The following SEC63 variants were observed in gnomAD, a reference collection of about 807,000 sequenced individuals.
SEC63 encodes the protein SEC63 protein translocation regulator, also known as translocation protein SEC63 homolog.
A neutral mutation model predicts 116.2 loss-of-function variants in SEC63; 56 were observed. The observed-to-expected ratio is 0.48, with a 90% CI of 0.39 to 0.60. The LOEUF is 0.60. Ranked by LOEUF, SEC63 falls within the 20% of genes least tolerant of loss-of-function variation. The probability of loss-of-function intolerance (pLI) is 0.00; values close to 1 mark genes in which losing one functional copy is unlikely to be tolerated. For missense variants in SEC63, 668 were observed against 900.0 expected (o/e 0.74, Z 3.30); for synonymous variants, 273 against 294.6 (o/e 0.93, Z 0.75).
intron 4 of SEC63, among the ~76,000 whole-genome samples, chr6:107,920,837 A>G (rs1766922103): frequency 1.3e-5 from 2 of 152,164 alleles, no homozygotes; most frequent in African/African-American, 4.8e-5. Flanking sequence ...GGGTGCACAA[A>G]TGTTCCTCAA....
chr6:107,869,845 G>A lies in SEC63; in HGVS notation c.*1859C>T, dbSNP rs992105166. On this transcript the variant is annotated 3_prime_UTR_variant, in exon 21 of 21. Coordinates refer to ENST00000369002, the MANE Select transcript of SEC63 (RefSeq NM_007214.5). ...CATCCTCTCCAGAATCTTAAAACCA[G>A]AGAAGCCAGCTGTGTGAATGAACTT... 8.8e-5 allele frequency: 13 copies of A among 147,582 alleles called. No homozygotes were observed. Among genetic ancestry groups the A allele is most frequent in the Non-Finnish European group, 1.9e-4 (13 of 67,434 alleles). The allele number at this position is 147,582 out of a possible 1,614,324, so 9.1% of individuals were successfully genotyped here. A position where few individuals can be genotyped will look rare whatever the true frequency, so the allele number is the denominator to read the frequency against.
intron 16 of SEC63, among the ~76,000 whole-genome samples, chr6:107,891,101 T>G (rs1161304663): frequency 6.6e-6 from 1 of 152,180 alleles, no homozygotes; most frequent in Non-Finnish European, 1.5e-5. Context: ...ATTTCCTGAA[T>G]TTGAATGTTG....
chr6:107,920,425 C>CAAAAAAAAAAAAAAA, intron 4 of SEC63, among the ~76,000 whole-genome samples: 1 of 73,392 alleles, frequency 1.4e-5, no homozygotes, highest in Non-Finnish European at 2.4e-5. Flanking sequence ...GACTCCGTCT[C>CAAAAAAAAAAAAAAA]AAAAAAAAAA....
Position 107,906,514 on chromosome 6 carries a change from G to C in SEC63, c.895C>G (p.Leu299Val). The stretch of plus-strand genomic sequence containing the variant: ...GACAGTAAAAGAACTCTGGCCTTCA[G>C]GCTATATGGGCAGGTAAGTGGAGGC... ...NEPPLTCPYS[L>V]KARVLLLSHL... Residue 299 changes from leucine (L) to valine (V), a missense_variant, in exon 10 of 21, where the codon CTG becomes GTG. Physicochemically the swap from Leu to Val is conservative, Grantham distance 32. Coordinates refer to ENST00000369002, the MANE Select transcript of SEC63 (RefSeq NM_007214.5). 1.2e-6 allele frequency: 2 copies of C among 1,613,582 alleles called. No homozygotes were observed. Among genetic ancestry groups the C allele is most frequent in the South Asian group, 1.1e-5 (1 of 91,080 alleles).
intron 1 of SEC63, chr6:107,932,266 C>T (rs1787829006): frequency 6.6e-6 from 1 of 152,130 alleles, no homozygotes; most frequent in Non-Finnish European, 1.5e-5. Flanking sequence ...ATGAGTCCAG[C>T]TGGCTAATTA....
At chr6:107,920,319 G>A (rs781241134) in intron 4 of SEC63, among the ~76,000 whole-genome samples, 9 of 151,316 alleles carry the variant, frequency 5.9e-5, no homozygotes, top group East Asian at 1.9e-4. Context: ...CCAGCTATTC[G>A]GGAGACTGAG....
At position 107,924,671 on chromosome 6, in the gene SEC63, TAAC is replaced by T. The variant is rs994743063; in HGVS notation, c.339+144_339+146del. ...TCAACAGTTATAGCTTAAATTATAA[TAAC>T]AGAGGATTAGACATCTTATTTTAAT... On this transcript the variant is annotated intron_variant, in intron 3 of 20. Coordinates refer to ENST00000369002, the MANE Select transcript of SEC63 (RefSeq NM_007214.5). The T allele has an allele frequency of 1.2e-4, 56 of 481,750 alleles. 1 individual carries two copies. The highest frequency in any genetic ancestry group is 9.7e-4 in the African/African-American group (48 of 49,618). 29.8% of individuals were successfully genotyped at this position (481,750 alleles called of 1,614,324 possible).
Position 107,902,952 on chromosome 6 carries a change from C to A in SEC63, c.1101G>T (p.Met367Ile), listed in dbSNP as rs1438921937. 6.2e-7 allele frequency: 1 copy of A among 1,613,962 alleles called. No individual in the cohort carries two copies. The highest frequency in any genetic ancestry group is 1.3e-5 in the African/African-American group (1 of 74,916). Residue 367 changes from methionine (M) to isoleucine (I), a missense_variant, in exon 12 of 21, where the codon ATG (methionine) becomes ATT (isoleucine). By Grantham distance (10) the Met-to-Ile change is conservative. Around this residue, in one of 5 missense-constraint regions of SEC63, gnomAD observed 430 missense variants for 557.5 expected, o/e 0.77. Coordinates refer to ENST00000369002, the MANE Select transcript of SEC63 (RefSeq NM_007214.5). ...CCTGAACGGCCATCTGAGAAAGCTT[C>A]ATGCAGTTTTCTAGGGATGCCAAAG... ...APTLASLENC[M>I]KLSQMAVQGL...
At chr6:107,938,550 A>C (rs1417997494) in intron 1 of SEC63, among the ~76,000 whole-genome samples, 2 of 149,434 alleles carry the variant, frequency 1.3e-5, no homozygotes, top group African/African-American at 2.5e-5. Context: ...TGGCCCCAGT[A>C]AGTCACTTCT....
chr6:107,873,763 A>G (rs1786188915), intron 19 of SEC63, among the ~76,000 whole-genome samples: 1 of 152,172 alleles, frequency 6.6e-6, no homozygotes, highest in East Asian at 1.9e-4. Context: ...CTTGCAACAC[A>G]TATCACAAAG....
rs1562318884 is a variant in SEC63 at position 107,893,653 on chromosome 6, C to A, written c.1503G>T (p.Gln501His). Residue 501 changes from glutamine (Q) to histidine (H), a missense_variant and splice_region_variant, in exon 16 of 21, where the codon CAG becomes CAT. Gln to His is a conservative substitution (Grantham distance 24). Around this residue, in one of 5 missense-constraint regions of SEC63, gnomAD observed 430 missense variants for 557.5 expected, o/e 0.77. Transcript: ENST00000369002. ...AAEEQPAEDG[Q>H]GETNKNRTKG... ...TTGTCCTGTTCTTGTTAGTTTCACC[C>A]TGCTGTGAATCATAACACGTCACAC... The A allele has an allele frequency of 1.2e-6, 2 of 1,613,750 alleles. No homozygotes were observed. The highest frequency in any genetic ancestry group is 1.7e-6 in the Non-Finnish European group (2 of 1,179,938).
intron 4 of SEC63, among the ~76,000 whole-genome samples, chr6:107,920,503 T>C (rs1359340688): frequency 2.0e-5 from 3 of 151,484 alleles, no homozygotes; most frequent in African/African-American, 7.3e-5. Context: ...AAACAACTTT[T>C]ATATGCAGTA....
intron 1 of SEC63, among the ~76,000 whole-genome samples, chr6:107,956,781 A>G (rs1449262176): frequency 6.6e-6 from 1 of 152,208 alleles, no homozygotes; most frequent in Non-Finnish European, 1.5e-5. Flanking sequence ...TGAAAGTATA[A>G]CAAGTTCTGA....
At chr6:107,880,727 A>G (rs1356118454) in intron 18 of SEC63, among the ~76,000 whole-genome samples, 4 of 152,218 alleles carry the variant, frequency 2.6e-5, no homozygotes, top group Non-Finnish European at 5.9e-5. Context: ...CCATGTCGCC[A>G]GCAGGATCCT....
chr6:107,923,288 T>C (rs1787599171), intron 3 of SEC63, among the ~76,000 whole-genome samples: 2 of 152,058 alleles, frequency 1.3e-5, no homozygotes, highest in African/African-American at 2.4e-5. Context: ...ATTGTGTTAG[T>C]TTTTTGTACA....
chr6:107,920,247 C>G (rs954124076), intron 4 of SEC63, among the ~76,000 whole-genome samples: 4 of 151,766 alleles, frequency 2.6e-5, no homozygotes, highest in African/African-American at 9.7e-5. Flanking sequence ...CATGGTAAAA[C>G]CCCATCTCTG....
At chr6:107,955,945 T>C (rs1397750364) in intron 1 of SEC63, 2 of 370,286 alleles carry the variant, frequency 5.4e-6, no homozygotes, top group Non-Finnish European at 1.1e-5. Context: ...ATCAGGTGAA[T>C]TTTATAATAC....
At chr6:107,928,225 G>A (rs1292242044) in intron 2 of SEC63, among the ~76,000 whole-genome samples, 1 of 152,158 alleles carries the variant, frequency 6.6e-6, no homozygotes, top group African/African-American at 2.4e-5. Flanking sequence ...GCTCACGCCT[G>A]TGATCCTACC....
chr6:107,873,693 G>T (rs929792568), intron 19 of SEC63, among the ~76,000 whole-genome samples: 1 of 151,758 alleles, frequency 6.6e-6, no homozygotes, highest in South Asian at 2.1e-4. Context: ...AAACAAATAG[G>T]TATTTATATT....
Sources: gnomAD v4.1 joint callset for allele counts (sites outside exome capture counted in the v4.1 genomes callset) on GRCh38, gnomAD v4.1.1 for gene constraint, gnomAD v4.1.1 regional missense constraint, MANE v1.5 for transcripts, NCBI Gene and HGNC (gene_info 2026-07-23, HGNC 2026-07-21) for gene names.